Variants in KCNC4 observed in about 807,000 individuals in gnomAD.
KCNC4 encodes voltage-gated potassium channel KCNC4.
Under a neutral mutation model 42.8 loss-of-function variants are expected in KCNC4, and 23 were observed. The ratio of observed to expected loss-of-function variants is 0.54; its 90% CI spans 0.39 to 0.76. KCNC4 has a LOEUF of 0.76. Ranked by LOEUF, KCNC4 falls within the 30% of genes least tolerant of loss-of-function variation. The pLI is 0.00. For synonymous variants in KCNC4, 422 were observed against 393.5 expected (o/e 1.07, Z -0.86); for missense variants, 751 against 898.2 (o/e 0.84, Z 2.10).
intron 1 of KCNC4, among the ~76,000 whole-genome samples, chr1:110,279,453 T>C (rs1018582049): frequency 6.6e-6 from 1 of 152,066 alleles, no homozygotes; most frequent in African/African-American, 2.4e-5. Flanking sequence ...CAATAAACAT[T>C]TGTGGAATGA....
At chr1:110,274,921 C>G (rs952824435) in intron 1 of KCNC4, among the ~76,000 whole-genome samples, 4 of 152,138 alleles carry the variant, frequency 2.6e-5, no homozygotes, top group Non-Finnish European at 5.9e-5. Flanking sequence ...TAGAAGAAAA[C>G]CTAGGGCAAA....
intron 1 of KCNC4, among the ~76,000 whole-genome samples, chr1:110,263,734 G>T (rs1029531260): frequency 2.0e-5 from 3 of 151,944 alleles, no homozygotes; most frequent in Admixed American, 1.3e-4. Flanking sequence ...CTTCCCGTGG[G>T]AAAGACTACT....
At chr1:110,270,690 G>A (rs1003826851) in intron 1 of KCNC4, among the ~76,000 whole-genome samples, 2 of 152,234 alleles carry the variant, frequency 1.3e-5, no homozygotes, top group African/African-American at 4.8e-5. Flanking sequence ...GTATGTGCAA[G>A]GGAAACAAGG....
At chr1:110,236,212 A>G (rs1414802330), downstream of KCNC4, 1 of 152,210 alleles carries the variant, frequency 6.6e-6, no homozygotes, top group Non-Finnish European at 1.5e-5. Flanking sequence ...TGGGCAGTAC[A>G]TTTCATGCTT....
chr1:110,232,277 C>G lies in KCNC4; in HGVS notation c.1820-634C>G. ...GCATTCACCTGAGGCTGCATGCCCT[C>G]CAACTGCTGGGACTCTGTTCCTGCC... On this transcript the variant is annotated intron_variant, in intron 3 of 3. Coordinates refer to ENST00000438661, the MANE Select transcript of KCNC4 (RefSeq NM_001039574.3). 2.5e-6 allele frequency: 4 copies of G among 1,613,964 alleles called. No individual in the cohort carries two copies. In the Admixed American group the frequency reaches 5.0e-5, roughly 20 times the overall value.
intron 1 of KCNC4, chr1:110,221,456 A>G (rs905288942): frequency 6.6e-6 from 1 of 152,268 alleles, no homozygotes; most frequent in Non-Finnish European, 1.5e-5. Flanking sequence ...ATAACTGTTC[A>G]TTCCCAGATT....
chr1:110,248,744 C>T (rs1350324118), exon 4 of KCNC4: 1 of 152,208 alleles, frequency 6.6e-6, no homozygotes, highest in East Asian at 1.9e-4. Flanking sequence ...TCTCTGTCTC[C>T]TGTTCGGCTT....
At chr1:110,216,788 C>G (rs1206908082) in intron 1 of KCNC4, among the ~76,000 whole-genome samples, 4 of 152,160 alleles carry the variant, frequency 2.6e-5, no homozygotes, top group African/African-American at 9.7e-5. Context: ...CTGCTCCCTG[C>G]TGGAATTTTC....
In KCNC4 at chr1:110,210,471, C is replaced by T. The variant is rs918936621; in HGVS notation, c.-1029C>T. Among the ~76,000 whole-genome samples the T allele has an allele frequency of 6.6e-6, 1 of 151,374 alleles. No individual in the cohort carries two copies. Among genetic ancestry groups the T allele is most frequent in the Non-Finnish European group, 1.5e-5 (1 of 67,758 alleles). ...GGCGCCCCGCCCGGAGATGGGCAGA[C>T]GCGTAGATGGCGTGGCTCCCAGCGC... On this transcript the variant is annotated 5_prime_UTR_variant, in exon 1 of 4. In the 5' UTR this introduces an upstream ATG that the reference lacks. Transcript: ENST00000438661.
chr1:110,213,513 A>G (rs545085747), intron 1 of KCNC4, among the ~76,000 whole-genome samples: 1 of 152,354 alleles, frequency 6.6e-6, no homozygotes, highest in East Asian at 1.9e-4. Context: ...AGGCTGGCAT[A>G]AATGCCAGGC....
intron 1 of KCNC4, among the ~76,000 whole-genome samples, chr1:110,266,809 G>A (rs1252478507): frequency 1.3e-5 from 2 of 152,174 alleles, no homozygotes; most frequent in African/African-American, 2.4e-5. Context: ...TACCAGGAGA[G>A]ACCTAAAGTC....
intron 1 of KCNC4, among the ~76,000 whole-genome samples, chr1:110,266,126 C>T (rs1659536796): frequency 6.6e-6 from 1 of 152,156 alleles, no homozygotes; most frequent in South Asian, 2.1e-4. Context: ...CACCCAATTC[C>T]CCCGACAGCT....
downstream of KCNC4, chr1:110,249,181 C>T (rs578158811): frequency 6.6e-6 from 1 of 152,350 alleles, no homozygotes; most frequent in South Asian, 2.1e-4. Flanking sequence ...CTGCTTCTCA[C>T]CATCTGGACA....
At chr1:110,252,413 C>G (rs992862260), downstream of KCNC4, among the ~76,000 whole-genome samples, 1 of 152,154 alleles carries the variant, frequency 6.6e-6, no homozygotes, top group African/African-American at 2.4e-5. Flanking sequence ...AAAGTCTGCC[C>G]TGCAAAACCT....
chr1:110,222,816 G>A (rs1658171042), intron 1 of KCNC4, 148 bp from the exon 2 acceptor site: 2 of 613,740 alleles, frequency 3.3e-6, no homozygotes, highest in Non-Finnish European at 5.8e-6. Flanking sequence ...CTCTGAGGAG[G>A]GACTTCCAGC....
Position 110,232,923 on chromosome 1 carries a change from A to C in KCNC4, c.1832A>C (p.Asp611Ala). The change falls in exon 4 of 4, where the codon GAC becomes GCC. Residue 611 changes from aspartate (D) to alanine (A), a missense_variant. Physicochemically the swap from Asp to Ala is moderately radical, Grantham distance 126. Around this residue, in one of 4 missense-constraint regions of KCNC4, gnomAD observed 202 missense variants for 181.5 expected, o/e 1.11. Transcript: ENST00000438661. ...TCTTTAAACACAGAGACCTGCCAAGACGCCCTCTCGTCCAACTATGCCCAG... is the reference window on the plus strand; with the variant it reads ...TCTTTAAACACAGAGACCTGCCAAGCCGCCCTCTCGTCCAACTATGCCCAG... ...DGSVRKETCQ[D>A]ALSSNYAQAE... 8.1e-6 allele frequency: 13 copies of C among 1,611,970 alleles called. No homozygotes were observed. Among genetic ancestry groups the C allele is most frequent in the Non-Finnish European group, 1.1e-5 (13 of 1,179,158 alleles).
rs368404699 is a variant in KCNC4 at position 110,232,954 on chromosome 1, A to G, written c.1863A>G (p.Glu621=). Reference sequence around the variant, plus strand: ...TCTCGTCCAACTATGCCCAGGCTGAAGTCCTCACCCTCTCTTAAAGCGGCA... The same window carrying G: ...TCTCGTCCAACTATGCCCAGGCTGAGGTCCTCACCCTCTCTTAAAGCGGCA... ...DALSSNYAQA[E]VLTLS The change falls in exon 4 of 4, where the codon GAA becomes GAG. Residue 621 remains glutamate, a synonymous_variant. Transcript: ENST00000438661. 4 of 1,611,542 alleles carry G rather than the reference A, an allele frequency of 2.5e-6. No individual in the cohort carries two copies. Among genetic ancestry groups the G allele is most frequent in the Non-Finnish European group, 3.4e-6 (4 of 1,179,026 alleles).
intron 1 of KCNC4, among the ~76,000 whole-genome samples, chr1:110,260,856 G>T (rs568825455): frequency 1.6e-4 from 24 of 152,326 alleles, no homozygotes; most frequent in African/African-American, 4.8e-4. Flanking sequence ...TGTGAACCGG[G>T]GAGGCGGAGC....
chr1:110,232,624 T>G, intron 3 of KCNC4: 1 of 1,441,662 alleles, frequency 6.9e-7, no homozygotes, highest in Non-Finnish European at 9.1e-7. Flanking sequence ...CAACATCACC[T>G]GAGTCACCAG....
Sources: allele counts gnomAD v4.1 joint callset (sites outside exome capture counted in the v4.1 genomes callset), GRCh38; gene constraint gnomAD v4.1.1; regional missense constraint gnomAD v4.1.1; transcripts MANE v1.5; gene names NCBI Gene and HGNC (gene_info 2026-07-23, HGNC 2026-07-21).